The following PRH1 variants were observed in gnomAD, a reference collection of about 807,000 sequenced individuals.
PRH1 encodes proline rich protein HaeIII subfamily 1, also known as salivary acidic proline-rich phosphoprotein 1/2.
A neutral mutation model predicts 7.9 loss-of-function variants in PRH1; 7 were observed. The ratio of observed to expected loss-of-function variants is 0.89; its 90% CI spans 0.50 to 1.67. PRH1 has a LOEUF of 1.67. Among genes scored for constraint, PRH1 ranks in the 40% most tolerant of loss-of-function variants. The pLI, the probability that PRH1 is intolerant of heterozygous loss-of-function variation, is 0.00. For synonymous variants in PRH1, 45 were observed against 80.8 expected (o/e 0.56, Z 2.38); for missense variants, 109 against 223.6 (o/e 0.49, Z 3.27).
chr12:11,079,031 G>C (rs11507727), intron 1 of PRH1: 14 of 104,622 alleles, frequency 1.3e-4, no homozygotes, highest in Non-Finnish European at 2.8e-4. Context: ...TCCACTCAGG[G>C]TTGTCAGACA....
At chr12:10,948,569 T>G (rs1950522785) in intron 2 of PRH1, among the ~76,000 whole-genome samples, 1 of 152,240 alleles carries the variant, frequency 6.6e-6, no homozygotes, top group Admixed American at 6.5e-5. Flanking sequence ...TTGGGTTTTG[T>G]CTTCCTCCCA....
At chr12:10,962,832 C>T (rs1401834165) in intron 2 of PRH1, among the ~76,000 whole-genome samples, 4 of 152,184 alleles carry the variant, frequency 2.6e-5, no homozygotes, top group African/African-American at 7.2e-5. Context: ...TGCAGTGGCG[C>T]GATCTCGGCT....
intron 2 of PRH1, among the ~76,000 whole-genome samples, chr12:10,972,522 T>C (rs149016291): frequency 6.6e-6 from 1 of 152,196 alleles, no homozygotes; most frequent in African/African-American, 2.4e-5. Flanking sequence ...TTGAATAAAA[T>C]TTTTCATAAT....
chr12:10,898,830 A>G (rs891581960), intron 2 of PRH1, among the ~76,000 whole-genome samples: 3 of 152,234 alleles, frequency 2.0e-5, no homozygotes, highest in Non-Finnish European at 4.4e-5. Context: ...CACACGGAAC[A>G]GCATTATCAG....
At chr12:11,073,429 C>G (rs1296849224) in intron 1 of PRH1, among the ~76,000 whole-genome samples, 1 of 143,112 alleles carries the variant, frequency 7.0e-6, no homozygotes, top group African/African-American at 2.5e-5. Flanking sequence ...CCACCATGCC[C>G]AGCAGAAACA....
chr12:11,168,291 AGAAAGAAAGAAG>A (rs1947675771), intron 1 of PRH1, among the ~76,000 whole-genome samples: 4 of 15,390 alleles, frequency 2.6e-4, no homozygotes, highest in African/African-American at 6.3e-4. Flanking sequence ...AAAGAAAGAA[AGAAAGAAAGAAG>A]GAAGGAAGGA....
intron 1 of PRH1, among the ~76,000 whole-genome samples, chr12:11,096,389 G>C (rs1945069424): frequency 8.6e-6 from 1 of 115,918 alleles, no homozygotes; most frequent in East Asian, 2.1e-4. Flanking sequence ...TTTAGAGGTA[G>C]AAATGAACTT....
chr12:11,113,099 A>G (rs1315043959), intron 1 of PRH1, among the ~76,000 whole-genome samples: 1 of 152,206 alleles, frequency 6.6e-6, no homozygotes, highest in Non-Finnish European at 1.5e-5. Flanking sequence ...AAGAGATGTG[A>G]AAGATCTCTT....
chr12:11,031,063 G>T (rs761224141), intron 1 of PRH1: 4 of 1,614,268 alleles, frequency 2.5e-6, no homozygotes, highest in South Asian at 1.1e-5. Flanking sequence ...TGAAATGGCC[G>T]GTTACTGCCC....
chr12:10,935,072 G>A (rs758842584), intron 2 of PRH1, among the ~76,000 whole-genome samples: 5 of 152,078 alleles, frequency 3.3e-5, no homozygotes, highest in African/African-American at 4.8e-5. Context: ...TCAAAGCATT[G>A]AAATTTACTG....
chr12:10,943,871 G>A (rs1444026223), intron 2 of PRH1, among the ~76,000 whole-genome samples: 1 of 152,138 alleles, frequency 6.6e-6, no homozygotes, highest in Non-Finnish European at 1.5e-5. Flanking sequence ...TCAAAGATTA[G>A]ATAGTCATAA....
Position 11,072,880 on chromosome 12 carries a change from G to C in PRH1, n.124-25692C>G, listed in dbSNP as rs567147218. 2.7e-3 allele frequency among the ~76,000 whole-genome samples: 400 copies of C among 150,720 alleles called. 2 individuals carry two copies. The highest frequency in any genetic ancestry group is 9.5e-3 in the African/African-American group (388 of 40,892). ...CTGCTTCACTGTTTTATGTCAGGGC[G>C]ATGTCACTTCTGCTCTCAGTTTAAT... is the stretch of plus-strand genomic sequence containing the variant. On this transcript the variant is annotated intron_variant and non_coding_transcript_variant, in intron 1 of 4. Coordinates refer to the PRH1 transcript ENST00000541977.
chr12:11,040,800 G>C (rs1027016696), intron 1 of PRH1, among the ~76,000 whole-genome samples: 1 of 152,146 alleles, frequency 6.6e-6, no homozygotes, highest in Non-Finnish European at 1.5e-5. Context: ...TGAGAAGATG[G>C]AGTTAAGGTG....
chr12:11,134,447 GA>G (rs1438558438), intron 1 of PRH1: 9 of 601,836 alleles, frequency 1.5e-5, no homozygotes, highest in Non-Finnish European at 2.2e-5. Context: ...TCTCTTTATG[GA>G]AAACATTCTT....
chr12:11,143,255 T>C (rs1946759714), intron 1 of PRH1, among the ~76,000 whole-genome samples: 1 of 152,216 alleles, frequency 6.6e-6, no homozygotes, highest in Non-Finnish European at 1.5e-5. Flanking sequence ...GCTTGTTTGT[T>C]TGCTTATGCA....
At chr12:11,021,953 T>G in intron 1 of PRH1, 1 of 1,613,744 alleles carries the variant, frequency 6.2e-7, no homozygotes, top group Non-Finnish European at 8.5e-7. Flanking sequence ...CGCATCTTCT[T>G]GAGATGTTTA....
At chr12:11,048,161 T>TAG (rs543109079), upstream of PRH1, among the ~76,000 whole-genome samples, 31,195 of 138,516 alleles carry the variant, frequency 0.23, 3,836 homozygotes, top group Non-Finnish European at 0.29. Flanking sequence ...TGTGTGTGTG[T>TAG]ATAGATAGAT....
chr12:10,890,911 T>C (rs938392026), intron 2 of PRH1, among the ~76,000 whole-genome samples: 15 of 151,808 alleles, frequency 9.9e-5, no homozygotes, highest in Non-Finnish European at 1.5e-5. Flanking sequence ...TTGTATTTCC[T>C]CACATGCTAT....
chr12:11,089,656 G>A lies in PRH1; in HGVS notation n.124-42468C>T, dbSNP rs560848099. ...TTAAAAACATTTTGGTAAAGTAGCT[G>A]GTTACTAACTCAATTTTTTGAAATG... On this transcript the variant is annotated intron_variant and non_coding_transcript_variant, in intron 1 of 4. Transcript: ENST00000541977. Among the ~76,000 whole-genome samples, 423 of 128,626 alleles carry A rather than the reference G, an allele frequency of 3.3e-3. 19 individuals are homozygous for A. The highest frequency in any genetic ancestry group is 7.7e-3 in the Middle Eastern group (2 of 260). 84.4% of individuals were successfully genotyped at this position (128,626 alleles called of 152,430 possible). A position where few individuals can be genotyped will look rare whatever the true frequency, so the allele number is the denominator to read the frequency against.
Sources: gnomAD v4.1 joint callset for allele counts (sites outside exome capture counted in the v4.1 genomes callset) on GRCh38, gnomAD v4.1.1 for gene constraint, MANE v1.5 for transcripts, NCBI Gene and HGNC (gene_info 2026-07-23, HGNC 2026-07-21) for gene names.